Variants in COL21A1 observed in about 807,000 individuals in gnomAD.
The protein encoded by COL21A1 is collagen type XXI alpha 1 chain.
COL21A1 carries 149 observed loss-of-function variants against 137.9 expected under a neutral mutation model. The observed-to-expected ratio is 1.08, with a 90% CI of 0.95 to 1.24. The LOEUF (loss-of-function observed/expected upper bound fraction) is 1.24. COL21A1 is among the 50% of genes most tolerant of loss of function. The pLI, the probability that COL21A1 is intolerant of heterozygous loss-of-function variation, is 0.00. For missense variants in COL21A1, 1,167 were observed against 1,158.4 expected, an observed-to-expected ratio of 1.01 and a Z score of -0.11; for synonymous variants, 456 against 391.5, an observed-to-expected ratio of 1.16 and a Z score of -1.95.
At position 56,074,272 on chromosome 6, in the gene COL21A1, C is replaced by T. The variant is rs1388921699; in HGVS notation, c.1925G>A (p.Ser642Asn). 1 of 1,593,174 alleles carries T rather than the reference C, an allele frequency of 6.3e-7. No homozygotes were observed. The highest frequency in any genetic ancestry group is 8.6e-7 in the Non-Finnish European group (1 of 1,169,364). ...TCCAGGCTGGCCTGGTGAGCCATTG[C>T]TTCCCATTAAACCCTACAATTTTAA... ...GAPGMPGLMGSNGSPGQPGTP... is the reference protein window; with the variant it reads ...GAPGMPGLMGNNGSPGQPGTP... Residue 642 changes from serine to asparagine, a missense_variant, in exon 20 of 30, where the codon AGC becomes AAC. Coordinates refer to ENST00000244728, the MANE Select transcript of COL21A1 (RefSeq NM_030820.4).
chr6:56,201,207 C>T (rs1017164698), intron 1 of COL21A1, among the ~76,000 whole-genome samples: 1 of 152,074 alleles, frequency 6.6e-6, no homozygotes, highest in Admixed American at 6.5e-5. Flanking sequence ...GATATTAGCC[C>T]TTTGTCAGAT....
upstream of COL21A1, among the ~76,000 whole-genome samples, chr6:56,250,974 C>A (rs72877930): frequency 1.3e-5 from 2 of 152,128 alleles, no homozygotes; most frequent in African/African-American, 2.4e-5. Context: ...CCCAAATTTA[C>A]AATATTGTTT....
chr6:56,149,431 A>G (rs185445546), intron 10 of COL21A1, among the ~76,000 whole-genome samples: 204 of 152,308 alleles, frequency 1.3e-3, no homozygotes, highest in African/African-American at 4.1e-3. Flanking sequence ...CTTAATGCAT[A>G]AGATCTTATT....
At chr6:56,284,091 A>G (rs1330897296) in intron 1 of COL21A1, among the ~76,000 whole-genome samples, 1 of 152,198 alleles carries the variant, frequency 6.6e-6, no homozygotes, top group Non-Finnish European at 1.5e-5. Flanking sequence ...TCTGTCACCC[A>G]GGCTGTAGTG....
chr6:56,211,839 T>TC, intron 1 of COL21A1, among the ~76,000 whole-genome samples: 1 of 152,108 alleles, frequency 6.6e-6, no homozygotes, highest in South Asian at 2.1e-4. Flanking sequence ...ATAAAATACA[T>TC]CAATCTATAC....
At chr6:56,335,862 G>A (rs960958706) in intron 1 of COL21A1, among the ~76,000 whole-genome samples, 1 of 152,148 alleles carries the variant, frequency 6.6e-6, no homozygotes, top group Admixed American at 6.5e-5. Flanking sequence ...CAAGGTAATT[G>A]CCAAGGAATG....
chr6:56,105,218 C>G (rs1225050534), intron 16 of COL21A1, among the ~76,000 whole-genome samples: 1 of 152,128 alleles, frequency 6.6e-6, no homozygotes, highest in East Asian at 1.9e-4. Flanking sequence ...TAAATCCCGT[C>G]CTCTCTTTGA....
At chr6:56,206,566 A>G (rs137909833) in intron 1 of COL21A1, among the ~76,000 whole-genome samples, 10,272 of 151,716 alleles carry the variant, frequency 0.068, 404 homozygotes, top group South Asian at 0.12. Flanking sequence ...CCCACTGTCA[A>G]TATTAGACAG....
At chr6:56,301,215 T>C (rs1178971837) in intron 1 of COL21A1, among the ~76,000 whole-genome samples, 2 of 152,184 alleles carry the variant, frequency 1.3e-5, no homozygotes, top group Non-Finnish European at 2.9e-5. Flanking sequence ...GAAATGAGAT[T>C]ACCCTGGATT....
intron 1 of COL21A1, among the ~76,000 whole-genome samples, chr6:56,254,933 T>A (rs1176794943): frequency 6.6e-6 from 1 of 152,208 alleles, no homozygotes; most frequent in Non-Finnish European, 1.5e-5. Context: ...CCCTAGATTT[T>A]TTTTTCTGTC....
At chr6:56,282,220 TATC>T (rs779179236) in intron 1 of COL21A1, among the ~76,000 whole-genome samples, 10 of 152,148 alleles carry the variant, frequency 6.6e-5, no homozygotes, top group Non-Finnish European at 1.3e-4. Context: ...CAGTTGTAGG[TATC>T]ATGAGGATTT....
intron 12 of COL21A1, among the ~76,000 whole-genome samples, chr6:56,132,821 T>C (rs1184282450): frequency 6.6e-6 from 1 of 152,104 alleles, no homozygotes; most frequent in Non-Finnish European, 1.5e-5. Flanking sequence ...TAAGATCTGA[T>C]GGTTTTAAAA....
At chr6:56,220,808 C>A (rs780727988) in intron 1 of COL21A1, among the ~76,000 whole-genome samples, 5 of 152,090 alleles carry the variant, frequency 3.3e-5, no homozygotes, top group Non-Finnish European at 4.4e-5. Flanking sequence ...TTTATTTAAT[C>A]CTACAAGACT....
intron 9 of COL21A1, among the ~76,000 whole-genome samples, chr6:56,163,394 A>G (rs1330494491): frequency 2.0e-5 from 3 of 152,198 alleles, no homozygotes; most frequent in Admixed American, 2.0e-4. Flanking sequence ...AAGTGATGCC[A>G]CAAGAAGCAC....
Position 56,259,263 on chromosome 6 carries a change from C to T in COL21A1, c.-38-76607G>A, listed in dbSNP as rs568573031. 4.6e-5 allele frequency among the ~76,000 whole-genome samples: 7 copies of T among 152,310 alleles called. 1 individual carries two copies. In the South Asian group the frequency reaches 1.5e-3, roughly 32 times the overall value. On this transcript the variant is annotated intron_variant, in intron 1 of 28. Transcript: ENST00000370819. ...TGGCCTGGAGTTTACTGCATTCCCC[C>T]ACTGCTTCTTCAATGCTTCCATTTG... is the stretch of plus-strand genomic sequence containing the variant.
At chr6:56,227,561 T>C (rs1562004566) in intron 1 of COL21A1, among the ~76,000 whole-genome samples, 1 of 151,996 alleles carries the variant, frequency 6.6e-6, no homozygotes, top group Non-Finnish European at 1.5e-5. Context: ...ATATGAAAAA[T>C]ACATGAAGCT....
At chr6:56,382,254 A>G (rs1227021385) in intron 1 of COL21A1, among the ~76,000 whole-genome samples, 1 of 152,190 alleles carries the variant, frequency 6.6e-6, no homozygotes, top group Non-Finnish European at 1.5e-5. Context: ...CTTCTAGTTC[A>G]CCATTGGTTA....
At chr6:56,165,579 C>T (rs1776510457) in intron 7 of COL21A1, among the ~76,000 whole-genome samples, 1 of 152,162 alleles carries the variant, frequency 6.6e-6, no homozygotes, top group African/African-American at 2.4e-5. Context: ...ATTTATCTTT[C>T]AAGTTATAAA....
intron 1 of COL21A1, among the ~76,000 whole-genome samples, chr6:56,191,362 G>A (rs533231617): frequency 1.2e-4 from 18 of 151,608 alleles, no homozygotes; most frequent in Admixed American, 2.6e-4. Context: ...AGAGGTGGGC[G>A]GATCACGAGG....
Sources: allele counts gnomAD v4.1 joint callset (sites outside exome capture counted in the v4.1 genomes callset), GRCh38; gene constraint gnomAD v4.1.1; transcripts MANE v1.5; gene names NCBI Gene and HGNC (gene_info 2026-07-23, HGNC 2026-07-21).